ASTN2: variants seen among roughly 807,000 people sequenced by gnomAD.
ASTN2 encodes astrotactin-2.
ASTN2 carries 54 observed loss-of-function variants against 139.8 expected under a neutral mutation model. The ratio of observed to expected loss-of-function variants is 0.39; its 90% CI spans 0.31 to 0.48. The LOEUF (loss-of-function observed/expected upper bound fraction) is 0.48, where lower values mean the gene tolerates loss of function less well. Ranked by LOEUF, ASTN2 falls within the 20% of genes least tolerant of loss-of-function variation. The pLI, the probability that ASTN2 is intolerant of heterozygous loss-of-function variation, is 0.95. For missense variants in ASTN2, 1,565 were observed against 1,725.1 expected (o/e 0.91, Z 1.64); for synonymous variants, 756 against 719.5 (o/e 1.05, Z -0.81).
At chr9:116,507,674 T>C (rs1850170081) in intron 19 of ASTN2, among the ~76,000 whole-genome samples, 1 of 152,124 alleles carries the variant, frequency 6.6e-6, no homozygotes, top group Admixed American at 6.6e-5. Flanking sequence ...ACTCCTCTCT[T>C]ATTGTTCTTG....
At chr9:117,387,980 A>G (rs113108542) in intron 1 of ASTN2, among the ~76,000 whole-genome samples, 43 of 152,246 alleles carry the variant, frequency 2.8e-4, no homozygotes, top group African/African-American at 9.9e-4. Context: ...GTACTTCACA[A>G]AGCTCAAGAA....
intron 19 of ASTN2, among the ~76,000 whole-genome samples, chr9:116,549,190 CAGAGGA>C (rs1362114436): frequency 7.1e-6 from 1 of 141,678 alleles, no homozygotes; most frequent in Admixed American, 7.2e-5. Flanking sequence ...ATAAAAAGAT[CAGAGGA>C]GGAGGAGGAG....
intron 5 of ASTN2, among the ~76,000 whole-genome samples, chr9:117,073,026 CAAAAA>C (rs1828177552): frequency 6.6e-6 from 1 of 151,928 alleles, no homozygotes; most frequent in Non-Finnish European, 1.5e-5. Flanking sequence ...GGATGGAGAA[CAAAAA>C]GACAGGGGCA....
chr9:117,234,290 C>G (rs1588116859), intron 2 of ASTN2, among the ~76,000 whole-genome samples: 1 of 152,194 alleles, frequency 6.6e-6, no homozygotes, highest in South Asian at 2.1e-4. Context: ...AGAGTAATAA[C>G]TCAGCAGAGA....
chr9:116,454,859 GTGGGGATCATCACACAC>G (rs1377665676), intron 20 of ASTN2, among the ~76,000 whole-genome samples: 2 of 152,086 alleles, frequency 1.3e-5, no homozygotes, highest in Admixed American at 1.3e-4. Flanking sequence ...TGGACACAGG[GTGGGGATCATCACACAC>G]TGGGGCCTGT....
At chr9:116,884,176 C>T (rs1243663294) in intron 10 of ASTN2, among the ~76,000 whole-genome samples, 4 of 152,232 alleles carry the variant, frequency 2.6e-5, no homozygotes, top group African/African-American at 9.6e-5. Context: ...GGCTTCTAGA[C>T]AGTCTAGAAG....
intron 19 of ASTN2, among the ~76,000 whole-genome samples, chr9:116,513,981 A>G (rs1487053676): frequency 6.6e-6 from 1 of 151,234 alleles, no homozygotes; most frequent in Non-Finnish European, 1.5e-5. Context: ...TGGTTTTCTG[A>G]AGCCTTCTTC....
At chr9:116,797,761 T>A (rs1439000901) in intron 13 of ASTN2, among the ~76,000 whole-genome samples, 1 of 152,142 alleles carries the variant, frequency 6.6e-6, no homozygotes, top group Non-Finnish European at 1.5e-5. Flanking sequence ...CAAACACAAC[T>A]TTCCAGGCCT....
In ASTN2 at chr9:117,112,532, G is replaced by A. The variant is rs189431672; in HGVS notation, c.1169-16381C>T. Among the ~76,000 whole-genome samples, 54 of 152,182 alleles carry A rather than the reference G, an allele frequency of 3.5e-4. 1 individual carries two copies. In the East Asian group the frequency reaches 7.9e-3, roughly 22 times the overall value. On this transcript the variant is annotated intron_variant, in intron 4 of 22. Transcript: ENST00000313400. ...CAAAGGAACGTCTTTTCAATAAATG[G>A]TGCTGGAACAACTGGAGAGCCATAT...
At position 116,698,031 on chromosome 9, in the gene ASTN2, C is replaced by A; in HGVS notation, c.2806+27740G>T. On this transcript the variant is annotated intron_variant, in intron 16 of 22. Coordinates refer to ENST00000313400, the MANE Select transcript of ASTN2 (RefSeq NM_001365068.1). The surrounding 1 kb of genome is among the most constrained non-coding windows in gnomAD (Gnocchi z 4.4). ...AGCTGGGCTCAGCGAGGCTGTGGGG[C>A]TGCTCATGTGTCGGTCCTGTGGGCG... 1 of 1,614,036 alleles carries A rather than the reference C, an allele frequency of 6.2e-7. No individual in the cohort carries two copies. The highest frequency in any genetic ancestry group is 8.5e-7 in the Non-Finnish European group (1 of 1,180,044).
chr9:116,781,375 G>A (rs926720467), intron 13 of ASTN2, among the ~76,000 whole-genome samples: 2 of 152,114 alleles, frequency 1.3e-5, no homozygotes, highest in Admixed American at 6.6e-5. Flanking sequence ...CGCTAGTGGT[G>A]GACAGGACCA....
chr9:116,668,312 C>T (rs764037134), intron 16 of ASTN2, among the ~76,000 whole-genome samples: 3 of 152,096 alleles, frequency 2.0e-5, no homozygotes, highest in Non-Finnish European at 4.4e-5. Context: ...CCGCCTCAGC[C>T]TCCTGAGTAG....
At chr9:117,350,352 C>A (rs1438995772) in intron 1 of ASTN2, among the ~76,000 whole-genome samples, 1 of 151,938 alleles carries the variant, frequency 6.6e-6, no homozygotes, top group Non-Finnish European at 1.5e-5. Context: ...AGTTTGAGAC[C>A]AGCCTGGCCA....
At chr9:116,898,493 T>C (rs1298493183) in intron 10 of ASTN2, among the ~76,000 whole-genome samples, 1 of 151,946 alleles carries the variant, frequency 6.6e-6, no homozygotes, top group African/African-American at 2.4e-5. Context: ...CTAAGAGCCT[T>C]CACTTCTTCA....
intron 2 of ASTN2, among the ~76,000 whole-genome samples, chr9:117,215,611 C>T (rs1832292681): frequency 6.6e-6 from 1 of 152,010 alleles, no homozygotes; most frequent in African/African-American, 2.4e-5. Context: ...TCATGAAATA[C>T]TCTGGTCTGT....
intron 5 of ASTN2, among the ~76,000 whole-genome samples, chr9:117,044,287 G>T (rs151230143): frequency 3.0e-4 from 45 of 152,314 alleles, no homozygotes; most frequent in African/African-American, 9.9e-4. Flanking sequence ...GAAAGTGGGA[G>T]TTGGGGTGAG....
intron 20 of ASTN2, among the ~76,000 whole-genome samples, chr9:116,467,531 C>T (rs1464935353): frequency 6.6e-6 from 1 of 152,246 alleles, no homozygotes; most frequent in Non-Finnish European, 1.5e-5. Flanking sequence ...TCCCAAAGTG[C>T]TCGGATTACA....
At chr9:116,778,806 C>T (rs1018542530) in intron 13 of ASTN2, among the ~76,000 whole-genome samples, 6 of 152,144 alleles carry the variant, frequency 3.9e-5, no homozygotes, top group African/African-American at 7.2e-5. Flanking sequence ...TGCAATTTAT[C>T]GCCACCTGTC....
intron 20 of ASTN2, among the ~76,000 whole-genome samples, chr9:116,477,756 C>T (rs1229121956): frequency 6.7e-6 from 1 of 149,606 alleles, no homozygotes; most frequent in Admixed American, 6.7e-5. Flanking sequence ...CACGGTGGCT[C>T]ACGCCTGTAA....
Sources: allele counts gnomAD v4.1 joint callset (sites outside exome capture counted in the v4.1 genomes callset), GRCh38; gene constraint gnomAD v4.1.1; non-coding constraint Gnocchi (gnomAD v3.1); transcripts MANE v1.5; gene names NCBI Gene and HGNC (gene_info 2026-07-23, HGNC 2026-07-21).